TULP4: variants seen among roughly 807,000 people sequenced by gnomAD.
TULP4 encodes TUB like protein 4, also known as tubby-related protein 4.
In TULP4, 16 loss-of-function variants were observed where a neutral mutation model predicts 129.0. The observed-to-expected ratio is 0.12, with a 90% CI of 0.08 to 0.19. The LOEUF (loss-of-function observed/expected upper bound fraction) is 0.19. Among genes scored for constraint, TULP4 ranks in the 10% least tolerant of loss-of-function variants. The probability of loss-of-function intolerance (pLI) is 1.00; values close to 1 mark genes in which losing one functional copy is unlikely to be tolerated. For synonymous variants in TULP4, 998 were observed against 854.0 expected (o/e 1.17, Z -2.94); for missense variants, 1,842 against 2,059.1 (o/e 0.89, Z 2.04).
intron 8 of TULP4, 173 bp downstream of exon 8, chr6:158,481,462 C>T (rs1779943568): frequency 1.5e-6 from 1 of 659,194 alleles, no homozygotes. Flanking sequence ...ATGAACAGTT[C>T]TCTAAATGTA....
chr6:158,348,155 CTT>C (rs66811333), intron 1 of TULP4, among the ~76,000 whole-genome samples: 63,226 of 121,370 alleles, frequency 0.52, 16,240 homozygotes, highest in South Asian at 0.61. Flanking sequence ...ATGTTTTGGT[CTT>C]TTTTTTTTTT....
chr6:158,324,839 G>T (rs530310515), intron 1 of TULP4, among the ~76,000 whole-genome samples: 1 of 152,128 alleles, frequency 6.6e-6, no homozygotes, highest in Non-Finnish European at 1.5e-5. Context: ...TTGTGTCTGT[G>T]TGTTTTTCTA....
intron 8 of TULP4, among the ~76,000 whole-genome samples, chr6:158,489,335 A>G (rs1780143164): frequency 6.6e-6 from 1 of 152,222 alleles, no homozygotes; most frequent in Non-Finnish European, 1.5e-5. Context: ...CTTTTGGCAA[A>G]TGGTGTCTAT....
chr6:158,338,911 G>A (rs944198689), intron 1 of TULP4, among the ~76,000 whole-genome samples: 16 of 152,322 alleles, frequency 1.1e-4, no homozygotes, highest in African/African-American at 3.6e-4. Flanking sequence ...CTTCCTGTGA[G>A]TCTCTGATGA....
intron 1 of TULP4, among the ~76,000 whole-genome samples, chr6:158,320,930 A>G (rs1052904825): frequency 2.6e-5 from 4 of 152,180 alleles, no homozygotes; most frequent in Admixed American, 1.3e-4. Flanking sequence ...TGCGCTGATC[A>G]TGCTTTATTA....
intron 4 of TULP4, 151 bp from the exon 5 acceptor site, chr6:158,451,983 A>G: frequency 3.4e-6 from 4 of 1,178,026 alleles, no homozygotes; most frequent in African/African-American, 1.5e-5. Flanking sequence ...CCTGAATGAT[A>G]TAGAATGTTT....
chr6:158,241,819 TCCTGACCTTGTGATCTG>T (rs1260593809), intron 1 of TULP4: 2 of 568,282 alleles, frequency 3.5e-6, no homozygotes, highest in Non-Finnish European at 6.7e-6. Context: ...GGTCTCGAAC[TCCTGACCTTGTGATCTG>T]CCTGCCTCCG....
At chr6:158,482,519 G>T (rs1224655176) in intron 8 of TULP4, among the ~76,000 whole-genome samples, 5 of 152,210 alleles carry the variant, frequency 3.3e-5, no homozygotes, top group African/African-American at 1.2e-4. Flanking sequence ...TGAAAGGAGG[G>T]AGAGGACAGA....
chr6:158,305,662 G>A (rs1186224998), intron 1 of TULP4, among the ~76,000 whole-genome samples: 8 of 149,752 alleles, frequency 5.3e-5, no homozygotes, highest in East Asian at 3.9e-4. Context: ...TTGTGATCAC[G>A]TCTCTGCACT....
intron 1 of TULP4, among the ~76,000 whole-genome samples, chr6:158,300,808 G>A (rs796581284): frequency 6.6e-6 from 1 of 152,216 alleles, no homozygotes; most frequent in Non-Finnish European, 1.5e-5. Flanking sequence ...ATTAATGCCA[G>A]GTTCCTGATT....
chr6:158,467,405 G>A (rs1779578170), intron 6 of TULP4, among the ~76,000 whole-genome samples: 1 of 150,180 alleles, frequency 6.7e-6, no homozygotes. Context: ...TCAGCCTCCC[G>A]AGTAGCTGGT....
At chr6:158,244,858 A>G (rs1400973836) in intron 1 of TULP4, among the ~76,000 whole-genome samples, 2 of 152,122 alleles carry the variant, frequency 1.3e-5, no homozygotes, top group South Asian at 4.1e-4. Flanking sequence ...ATAATAATAA[A>G]AAAACTAAAA....
chr6:158,287,466 C>A (rs1006191244), intron 1 of TULP4, among the ~76,000 whole-genome samples: 4 of 152,124 alleles, frequency 2.6e-5, no homozygotes, highest in Non-Finnish European at 5.9e-5. Context: ...GTAATATATA[C>A]GTACATTTTG....
chr6:158,434,316 A>G (rs947842106), intron 3 of TULP4, among the ~76,000 whole-genome samples: 7 of 152,244 alleles, frequency 4.6e-5, no homozygotes, highest in African/African-American at 1.4e-4. Context: ...CAGAAGAAAT[A>G]GTGATATAAA....
chr6:158,265,086 C>T (rs144317382), intron 1 of TULP4, among the ~76,000 whole-genome samples: 1 of 152,268 alleles, frequency 6.6e-6, no homozygotes, highest in East Asian at 1.9e-4. Flanking sequence ...TGCTTCTTTA[C>T]CAGCACTGTC....
rs557678837 is a variant in TULP4 at position 158,427,471 on chromosome 6, C to CTTTTTTTTTTTTTTTTTTTTTTTTTTT, written c.382-2250_382-2224dup. ...AAATTCCTTTTCAAAATTATCAGAC[C>CTTTTTTTTTTTTTTTTTTTTTTTTTTT]TTTTTTTTTTTTTTTTTTTTTTTTT... On this transcript the variant is annotated intron_variant, in intron 2 of 13. Transcript: ENST00000367097. Among the ~76,000 whole-genome samples the CTTTTTTTTTTTTTTTTTTTTTTTTTTT allele has an allele frequency of 4.0e-5, 3 of 74,136 alleles. 1 individual carries two copies. The highest frequency in any genetic ancestry group is 1.9e-4 in the African/African-American group (3 of 16,112). The allele number at this position is 74,136 out of a possible 152,430, so 48.6% of individuals were successfully genotyped here.
chr6:158,362,500 C>T (rs1450840494), intron 1 of TULP4, among the ~76,000 whole-genome samples: 1 of 152,112 alleles, frequency 6.6e-6, no homozygotes, highest in Non-Finnish European at 1.5e-5. Flanking sequence ...CAGGTGTGTG[C>T]TCCCATGCCC....
intron 1 of TULP4, among the ~76,000 whole-genome samples, chr6:158,322,691 T>C (rs1014815888): frequency 3.3e-5 from 5 of 152,142 alleles, no homozygotes; most frequent in Admixed American, 3.3e-4. Context: ...AACACATGCA[T>C]TAATTTTTAG....
chr6:158,456,758 T>C (rs1230563644), intron 5 of TULP4, among the ~76,000 whole-genome samples: 1 of 150,200 alleles, frequency 6.7e-6, no homozygotes, highest in Non-Finnish European at 1.5e-5. Flanking sequence ...TGCTTGAACC[T>C]GGGAGGTGGA....
Sources: allele counts gnomAD v4.1 joint callset (sites outside exome capture counted in the v4.1 genomes callset), GRCh38; gene constraint gnomAD v4.1.1; transcripts MANE v1.5; gene names NCBI Gene and HGNC (gene_info 2026-07-23, HGNC 2026-07-21).